Variants in KCNIP4 observed in about 807,000 individuals in gnomAD.
The protein encoded by KCNIP4 is Kv channel-interacting protein 4.
KCNIP4 carries 12 observed loss-of-function variants against 34.0 expected under a neutral mutation model. That is an observed-to-expected ratio of 0.35 (90% CI 0.23 to 0.57). The LOEUF is 0.57. Ranked by LOEUF, KCNIP4 falls within the 20% of genes least tolerant of loss-of-function variation. KCNIP4 has a pLI of 0.83. For missense variants in KCNIP4, 238 were observed against 311.7 expected (o/e 0.76, Z 1.78); for synonymous variants, 124 against 102.2 (o/e 1.21, Z -1.29).
chr4:20,949,986 T>A (rs1732605928), intron 1 of KCNIP4, among the ~76,000 whole-genome samples: 1 of 150,774 alleles, frequency 6.6e-6, no homozygotes, highest in African/African-American at 2.4e-5. Flanking sequence ...TGTGCACATG[T>A]ACCCTAAAAC....
At chr4:21,681,527 T>C (rs1265429072) in intron 1 of KCNIP4, among the ~76,000 whole-genome samples, 1 of 152,210 alleles carries the variant, frequency 6.6e-6, no homozygotes, top group Non-Finnish European at 1.5e-5. Flanking sequence ...CTCTTTAACC[T>C]TGCACTTTTG....
At chr4:20,871,580 C>T (rs1723465772) in intron 2 of KCNIP4, among the ~76,000 whole-genome samples, 4 of 152,052 alleles carry the variant, frequency 2.6e-5, no homozygotes, top group Admixed American at 2.6e-4. Context: ...TGGGTTTCCT[C>T]TCCTGGTGGC....
chr4:21,469,561 G>C (rs6855143), intron 1 of KCNIP4, among the ~76,000 whole-genome samples: 4,572 of 152,074 alleles, frequency 0.03, 189 homozygotes, highest in East Asian at 0.12. Flanking sequence ...AAAACGTTTT[G>C]TACAAATAAC....
chr4:21,228,113 T>G (rs1354836470), intron 1 of KCNIP4, among the ~76,000 whole-genome samples: 1 of 152,216 alleles, frequency 6.6e-6, no homozygotes, highest in Non-Finnish European at 1.5e-5. Flanking sequence ...CAAAACAGCC[T>G]GATGTGATTT....
intron 3 of KCNIP4, among the ~76,000 whole-genome samples, chr4:20,764,011 G>C (rs1295891921): frequency 1.3e-5 from 2 of 152,104 alleles, no homozygotes; most frequent in Admixed American, 1.3e-4. Flanking sequence ...ATTTTTCTAA[G>C]GATCCAAGAA....
chr4:21,741,035 G>A (rs1044875443), intron 1 of KCNIP4, among the ~76,000 whole-genome samples: 22 of 152,240 alleles, frequency 1.4e-4, no homozygotes, highest in African/African-American at 4.6e-4. Context: ...GAGAGACAGT[G>A]TGGAAAAATA....
chr4:21,125,855 A>G lies in KCNIP4; in HGVS notation c.62-243146T>C, dbSNP rs187402944. On this transcript the variant is annotated intron_variant, in intron 1 of 8. Transcript: ENST00000382152. ...AGTAGTTATTCTAAGAGGAGATTCT[A>G]TAAGGAGCACACTATAACCTTTTTA... 1.5e-4 allele frequency among the ~76,000 whole-genome samples: 23 copies of G among 152,256 alleles called. 1 individual carries two copies. Among genetic ancestry groups the G allele is most frequent in the Admixed American group, 1.3e-3 (20 of 15,300 alleles).
intron 1 of KCNIP4, among the ~76,000 whole-genome samples, chr4:21,254,461 A>G (rs1169142555): frequency 6.6e-6 from 1 of 152,120 alleles, no homozygotes; most frequent in African/African-American, 2.4e-5. Flanking sequence ...TCATAATCTC[A>G]TAGGAGTAAT....
intron 1 of KCNIP4, among the ~76,000 whole-genome samples, chr4:21,223,040 A>C (rs1251656398): frequency 6.6e-6 from 1 of 152,200 alleles, no homozygotes; most frequent in African/African-American, 2.4e-5. Flanking sequence ...CAGAGCCTCT[A>C]AATATGTTAC....
At chr4:20,951,246 C>A (rs1209986076) in intron 1 of KCNIP4, among the ~76,000 whole-genome samples, 1 of 152,072 alleles carries the variant, frequency 6.6e-6, no homozygotes, top group Non-Finnish European at 1.5e-5. Context: ...CATGCTGGTA[C>A]CCCCTGGTCT....
chr4:21,009,197 G>A (rs768959970), intron 1 of KCNIP4, among the ~76,000 whole-genome samples: 7 of 152,100 alleles, frequency 4.6e-5, no homozygotes, highest in East Asian at 3.9e-4. Context: ...AACACTAAGC[G>A]TGAGGAGTGG....
At chr4:20,862,208 C>T (rs1010756227) in intron 2 of KCNIP4, among the ~76,000 whole-genome samples, 6 of 152,022 alleles carry the variant, frequency 3.9e-5, no homozygotes, top group Non-Finnish European at 7.4e-5. Context: ...CCAGGCTGGT[C>T]TCAAACTCCT....
chr4:21,044,504 G>A (rs985670582), intron 1 of KCNIP4, among the ~76,000 whole-genome samples: 9 of 151,996 alleles, frequency 5.9e-5, no homozygotes, highest in African/African-American at 1.9e-4. Flanking sequence ...TAGAGACAGG[G>A]TTTCACCATG....
intron 1 of KCNIP4, among the ~76,000 whole-genome samples, chr4:21,385,143 G>A (rs989278494): frequency 6.6e-6 from 1 of 152,184 alleles, no homozygotes; most frequent in African/African-American, 2.4e-5. Context: ...AAGGGTAATG[G>A]CATTCAGAGT....
At chr4:21,598,898 G>A (rs1331810451) in intron 1 of KCNIP4, among the ~76,000 whole-genome samples, 1 of 152,016 alleles carries the variant, frequency 6.6e-6, no homozygotes, top group Non-Finnish European at 1.5e-5. Flanking sequence ...ATTAAACAGA[G>A]CCACATTATG....
intron 1 of KCNIP4, among the ~76,000 whole-genome samples, chr4:21,660,534 T>C (rs1171366123): frequency 6.6e-6 from 1 of 152,122 alleles, no homozygotes; most frequent in Non-Finnish European, 1.5e-5. Flanking sequence ...CAGATGACAG[T>C]TGGAAAAGAC....
chr4:21,543,926 A>G (rs1481092570), intron 1 of KCNIP4, among the ~76,000 whole-genome samples: 1 of 152,166 alleles, frequency 6.6e-6, no homozygotes, highest in Non-Finnish European at 1.5e-5. Context: ...GGAAATAAAA[A>G]TAACCTTTAT....
At chr4:21,073,498 C>G (rs1268139095) in intron 1 of KCNIP4, among the ~76,000 whole-genome samples, 1 of 152,172 alleles carries the variant, frequency 6.6e-6, no homozygotes, top group Non-Finnish European at 1.5e-5. Flanking sequence ...GTACCTGAGA[C>G]TTTGCTGAAG....
chr4:21,835,331 A>G (rs965368098), intron 1 of KCNIP4, among the ~76,000 whole-genome samples: 9 of 152,152 alleles, frequency 5.9e-5, no homozygotes, highest in African/African-American at 1.9e-4. Flanking sequence ...AAATAACATA[A>G]TAGAAAATTT....
Sources: gnomAD v4.1 joint callset for allele counts (sites outside exome capture counted in the v4.1 genomes callset) on GRCh38, gnomAD v4.1.1 for gene constraint, MANE v1.5 for transcripts, NCBI Gene and HGNC (gene_info 2026-07-23, HGNC 2026-07-21) for gene names.